The following CRACR2A variants were observed in gnomAD, a reference collection of about 807,000 sequenced individuals.
CRACR2A encodes EF-hand calcium-binding domain-containing protein 4B.
A neutral mutation model predicts 90.5 loss-of-function variants in CRACR2A; 79 were observed. The observed-to-expected ratio is 0.87, with a 90% CI of 0.73 to 1.05. CRACR2A has a LOEUF of 1.05. Among genes scored for constraint, CRACR2A ranks in the 50% least tolerant of loss-of-function variants. CRACR2A has a pLI of 0.00. For synonymous variants in CRACR2A, 338 were observed against 356.7 expected, an observed-to-expected ratio of 0.95 and a Z score of 0.59; for missense variants, 823 against 897.2, an observed-to-expected ratio of 0.92 and a Z score of 1.06.
At chr12:3,708,685 A>G (rs1715325034) in intron 3 of CRACR2A, among the ~76,000 whole-genome samples, 1 of 152,152 alleles carries the variant, frequency 6.6e-6, no homozygotes. Flanking sequence ...TCGGCCTCCC[A>G]AAGTGCTGGG....
chr12:3,674,101 G>A (rs1945300797), intron 6 of CRACR2A, among the ~76,000 whole-genome samples: 1 of 152,240 alleles, frequency 6.6e-6, no homozygotes, highest in African/African-American at 2.4e-5. Flanking sequence ...AGCTAAAGCA[G>A]AGAGCTCGTT....
chr12:3,692,236 C>T (rs925110082), intron 4 of CRACR2A, among the ~76,000 whole-genome samples: 8 of 152,154 alleles, frequency 5.3e-5, no homozygotes, highest in Non-Finnish European at 2.9e-5. Context: ...TGTCAGAGTT[C>T]TTGCACTGAT....
chr12:3,638,216 C>T lies in CRACR2A; in HGVS notation c.1510G>A (p.Gly504Arg), dbSNP rs1177328371. Residue 504 changes from glycine (G) to arginine (R), a missense_variant, in exon 14 of 20, where the codon GGG becomes AGG. Transcript: ENST00000440314. ...CSEEEEVSDQ[G>R]VQGQIPEAPP... ...GCCTCCGGGATTTGTCCCTGTACCC[C>T]CTGGTCAGAGACCTCTTCCTCTTCT... The T allele has an allele frequency of 6.4e-7, 1 of 1,551,634 alleles. No individual in the cohort carries two copies.
In CRACR2A at chr12:3,678,997, CCTCATCCCCTCTG is replaced by C. The variant is rs1215079067; in HGVS notation, c.429_441del (p.Arg144IlefsTer16). On this transcript the variant is annotated frameshift_variant, in exon 6 of 20. Transcript: ENST00000440314. LOFTEE classifies it high-confidence loss of function. ...TCATCTTCGCCCATGTCGCCCAGAT[CCTCATCCCCTCTG>C]GACAGATACACCTTCTCTTCATGGC... 6.2e-6 allele frequency: 10 copies of C among 1,614,046 alleles called. No individual in the cohort carries two copies. Among genetic ancestry groups the C allele is most frequent in the Non-Finnish European group, 8.5e-6 (10 of 1,180,036 alleles).
chr12:3,745,826 A>AAAATAAAAT (rs1946615314), intron 1 of CRACR2A, among the ~76,000 whole-genome samples: 2 of 2,396 alleles, frequency 8.3e-4, no homozygotes, highest in Admixed American at 4.2e-3. Context: ...AAAATAAAAT[A>AAAATAAAAT]AAGAAAGAAA....
chr12:3,623,041 G>C (rs1944179288), intron 17 of CRACR2A, among the ~76,000 whole-genome samples: 1 of 152,196 alleles, frequency 6.6e-6, no homozygotes, highest in Non-Finnish European at 1.5e-5. Flanking sequence ...CTGAAGAACT[G>C]TTCTGCTTTG....
At chr12:3,638,062 T>C (rs1944489692) in intron 14 of CRACR2A, 62 bp downstream of exon 14, 2 of 1,457,776 alleles carry the variant, frequency 1.4e-6, no homozygotes, top group Non-Finnish European at 1.8e-6. Flanking sequence ...GCGCTTGGCC[T>C]CAAATGCAAG....
intron 17 of CRACR2A, among the ~76,000 whole-genome samples, chr12:3,621,568 T>G (rs1417373679): frequency 4.3e-5 from 6 of 139,552 alleles, no homozygotes; most frequent in Admixed American, 2.3e-4. Context: ...AGAGAATTGC[T>G]TCAACCTGGG....
intron 7 of CRACR2A, among the ~76,000 whole-genome samples, chr12:3,666,364 T>TGTGTGTGTGTGTGTGTGTGC (rs765943563): frequency 6.7e-6 from 1 of 149,600 alleles, no homozygotes; most frequent in South Asian, 2.1e-4. Flanking sequence ...TGCGTGCGTG[T>TGTGTGTGTGTGTGTGTGTGC]GCGCGTGCGC....
At chr12:3,701,505 C>T (rs1238681635) in intron 3 of CRACR2A, among the ~76,000 whole-genome samples, 2 of 152,088 alleles carry the variant, frequency 1.3e-5, no homozygotes, top group Admixed American at 1.3e-4. Context: ...ATACTATAGA[C>T]ATTAAAAGGC....
chr12:3,723,261 T>C (rs1946210852), intron 2 of CRACR2A, among the ~76,000 whole-genome samples: 1 of 152,116 alleles, frequency 6.6e-6, no homozygotes, highest in Non-Finnish European at 1.5e-5. Flanking sequence ...GTTGGAGCTA[T>C]GTGTGGACCG....
At chr12:3,655,483 C>T (rs1359632138) in intron 9 of CRACR2A, among the ~76,000 whole-genome samples, 1 of 152,178 alleles carries the variant, frequency 6.6e-6, no homozygotes, top group Non-Finnish European at 1.5e-5. Context: ...TAAAAATAGC[C>T]CTCTCTATTG....
chr12:3,747,364 T>C (rs1166885508), intron 1 of CRACR2A, among the ~76,000 whole-genome samples: 1 of 152,186 alleles, frequency 6.6e-6, no homozygotes, highest in Non-Finnish European at 1.5e-5. Context: ...GCATCAACCT[T>C]GAGGTGCAGT....
intron 1 of CRACR2A, among the ~76,000 whole-genome samples, chr12:3,741,056 C>T (rs1018488964): frequency 2.0e-5 from 3 of 152,154 alleles, no homozygotes; most frequent in Non-Finnish European, 2.9e-5. Flanking sequence ...CAAATATTTG[C>T]AAAGGGAAGG....
At chr12:3,698,798 C>T (rs1359626958) in intron 3 of CRACR2A, among the ~76,000 whole-genome samples, 1 of 152,206 alleles carries the variant, frequency 6.6e-6, no homozygotes, top group Non-Finnish European at 1.5e-5. Flanking sequence ...TTCAGCCCGC[C>T]TGCATGAAGT....
At chr12:3,649,629 G>T (rs577286131) in intron 10 of CRACR2A, among the ~76,000 whole-genome samples, 1 of 152,324 alleles carries the variant, frequency 6.6e-6, no homozygotes, top group East Asian at 1.9e-4. Context: ...GAAGAGAGAG[G>T]CAGGGAGGCT....
rs78561025 is a variant in CRACR2A, at chr12:3,681,092, G to A, written c.229-743C>T. Among the ~76,000 whole-genome samples, 1,225 of 152,270 alleles carry A rather than the reference G, an allele frequency of 8.0e-3. 12 individuals are homozygous for A. The highest frequency in any genetic ancestry group is 0.028 in the African/African-American group (1,162 of 41,540). ...CTTACTTGAGGCCTCTCCTGCTGGA[G>A]GCCCCTGGTGTCCCATTGCCTCAGC... On this transcript the variant is annotated intron_variant, in intron 4 of 19. Coordinates refer to ENST00000440314, the MANE Select transcript of CRACR2A (RefSeq NM_001144958.2).
At chr12:3,661,512 A>G (rs1945036910) in intron 7 of CRACR2A, among the ~76,000 whole-genome samples, 1 of 152,228 alleles carries the variant, frequency 6.6e-6, no homozygotes, top group Non-Finnish European at 1.5e-5. Context: ...AGAGTAAGAA[A>G]TCTCTTCTTG....
intron 3 of CRACR2A, among the ~76,000 whole-genome samples, chr12:3,705,940 C>T (rs1945911479): frequency 6.6e-6 from 1 of 152,078 alleles, no homozygotes; most frequent in Non-Finnish European, 1.5e-5. Flanking sequence ...CCCACTGTGA[C>T]CAATTTCAAC....
Sources: allele counts gnomAD v4.1 joint callset (sites outside exome capture counted in the v4.1 genomes callset), GRCh38; gene constraint gnomAD v4.1.1; transcripts MANE v1.5; gene names NCBI Gene and HGNC (gene_info 2026-07-23, HGNC 2026-07-21).